Variants in PTPRM observed in about 807,000 individuals in gnomAD.
The protein encoded by PTPRM is receptor-type tyrosine-protein phosphatase mu.
PTPRM carries 47 observed loss-of-function variants against 186.7 expected under a neutral mutation model. The ratio of observed to expected loss-of-function variants is 0.25; its 90% confidence interval spans 0.20 to 0.32. The LOEUF is 0.32. Among genes scored for constraint, PTPRM ranks in the 10% least tolerant of loss-of-function variants. The probability of loss-of-function intolerance (pLI) is 1.00; values close to 1 mark genes in which losing one functional copy is unlikely to be tolerated. For synonymous variants in PTPRM, 668 were observed against 674.9 expected, an observed-to-expected ratio of 0.99 and a Z score of 0.16; for missense variants, 1,494 against 1,865.0, an observed-to-expected ratio of 0.80 and a Z score of 3.66.
rs568219254 is a variant in PTPRM at position 7,606,623 on chromosome 18, C to T, written c.73+38732C>T. ...CACATATACTGCACATTAGATAGAGCGTGATGGTGACTTACAGGTCCTGCT... is the reference window on the plus strand; with the variant it reads ...CACATATACTGCACATTAGATAGAGTGTGATGGTGACTTACAGGTCCTGCT... On this transcript the variant is annotated intron_variant, in intron 1 of 32. Coordinates refer to ENST00000580170, the MANE Select transcript of PTPRM (RefSeq NM_001105244.2). Among the ~76,000 whole-genome samples, 4 of 152,140 alleles carry T rather than the reference C, an allele frequency of 2.6e-5. No individual in the cohort carries two copies. The South Asian group carries it at 8.3e-4, about 32-fold the overall frequency.
chr18:7,888,082 C>T (rs746665436), intron 2 of PTPRM, 24 bp from the exon 3 acceptor site: 2 of 1,613,932 alleles, frequency 1.2e-6, no homozygotes, highest in Non-Finnish European at 1.7e-6. Flanking sequence ...CAGGGTATGA[C>T]TCTCCTTGAT....
chr18:8,390,725 G>A (rs559779978), intron 31 of PTPRM, among the ~76,000 whole-genome samples: 5 of 152,088 alleles, frequency 3.3e-5, no homozygotes, highest in Admixed American at 1.3e-4. Flanking sequence ...TCAGGAGATC[G>A]AGACCATCCT....
intron 22 of PTPRM, among the ~76,000 whole-genome samples, chr18:8,324,983 G>A (rs765564272): frequency 1.8e-4 from 27 of 152,270 alleles, no homozygotes; most frequent in Admixed American, 3.9e-4. Flanking sequence ...CTGTTTTTGA[G>A]AAACAGCACA....
At chr18:7,614,967 A>C (rs966105448) in intron 1 of PTPRM, among the ~76,000 whole-genome samples, 1 of 152,184 alleles carries the variant, frequency 6.6e-6, no homozygotes, top group Non-Finnish European at 1.5e-5. Flanking sequence ...TGAGAATTAA[A>C]CTTTGATACT....
intron 2 of PTPRM, among the ~76,000 whole-genome samples, chr18:7,867,325 G>A (rs1183340519): frequency 3.9e-5 from 6 of 152,298 alleles, no homozygotes; most frequent in African/African-American, 1.4e-4. Flanking sequence ...TGTTTTTGCA[G>A]TGGCTGGTAC....
intron 22 of PTPRM, among the ~76,000 whole-genome samples, chr18:8,334,679 A>G (rs1219756788): frequency 1.3e-5 from 2 of 152,320 alleles, no homozygotes; most frequent in African/African-American, 4.8e-5. Context: ...AATACGGACC[A>G]TCTTTTTGTT....
At chr18:7,675,763 C>G (rs1263127945) in intron 1 of PTPRM, among the ~76,000 whole-genome samples, 2 of 148,550 alleles carry the variant, frequency 1.3e-5, no homozygotes, top group African/African-American at 5.0e-5. Flanking sequence ...GAGACAGAGT[C>G]CCACTCTGTT....
intron 20 of PTPRM, among the ~76,000 whole-genome samples, chr18:8,301,182 T>C (rs2095153377): frequency 6.6e-6 from 1 of 152,218 alleles, no homozygotes; most frequent in Non-Finnish European, 1.5e-5. Context: ...GGTGTAATGA[T>C]CACATTCATT....
intron 1 of PTPRM, among the ~76,000 whole-genome samples, chr18:7,738,733 G>A (rs938904149): frequency 2.0e-5 from 3 of 152,032 alleles, no homozygotes; most frequent in Admixed American, 6.6e-5. Context: ...GAGCCACTGC[G>A]CCCGGCCAGT....
chr18:8,276,194 A>G (rs2094833280), intron 19 of PTPRM, among the ~76,000 whole-genome samples: 1 of 151,812 alleles, frequency 6.6e-6, no homozygotes, highest in African/African-American at 2.4e-5. Flanking sequence ...CCTTTCTCTA[A>G]ACTTTCACAG....
intron 1 of PTPRM, among the ~76,000 whole-genome samples, chr18:7,679,103 TC>T (rs1322087882): frequency 2.0e-5 from 3 of 152,224 alleles, no homozygotes; most frequent in African/African-American, 7.2e-5. Context: ...GATTATCTTT[TC>T]CTTTGGCTGT....
chr18:7,617,504 A>C (rs1012534311), intron 1 of PTPRM, among the ~76,000 whole-genome samples: 1 of 152,196 alleles, frequency 6.6e-6, no homozygotes, highest in Non-Finnish European at 1.5e-5. Flanking sequence ...AGCAACTATT[A>C]TACATACAAT....
chr18:8,304,885 A>C (rs1190684201), intron 20 of PTPRM, among the ~76,000 whole-genome samples: 2 of 147,328 alleles, frequency 1.4e-5, no homozygotes, highest in Admixed American at 1.4e-4. Flanking sequence ...CTTTCTAATT[A>C]CAAAGATAAT....
At chr18:7,989,403 T>C (rs971309366) in intron 7 of PTPRM, among the ~76,000 whole-genome samples, 2 of 152,222 alleles carry the variant, frequency 1.3e-5, no homozygotes, top group Non-Finnish European at 2.9e-5. Context: ...TTATTTACAG[T>C]GCATGTTAAT....
At chr18:8,240,838 G>A (rs930159179) in intron 14 of PTPRM, among the ~76,000 whole-genome samples, 9 of 92,170 alleles carry the variant, frequency 9.8e-5, no homozygotes, top group Non-Finnish European at 2.0e-4. Flanking sequence ...AAGAAAGAAA[G>A]AAAGAAAAGA....
intron 11 of PTPRM, among the ~76,000 whole-genome samples, chr18:8,097,103 A>T (rs630815): frequency 6.6e-6 from 1 of 152,024 alleles, no homozygotes; most frequent in Non-Finnish European, 1.5e-5. Context: ...AGCACTTATA[A>T]GTATACTCAA....
chr18:7,879,685 T>A (rs1167885494), intron 2 of PTPRM, among the ~76,000 whole-genome samples: 1 of 152,232 alleles, frequency 6.6e-6, no homozygotes, highest in African/African-American at 2.4e-5. Flanking sequence ...AAGCAAAGGT[T>A]ATAAGCACAT....
chr18:8,079,243 G>A (rs1030907755), intron 9 of PTPRM, among the ~76,000 whole-genome samples: 7 of 151,964 alleles, frequency 4.6e-5, no homozygotes, highest in Non-Finnish European at 8.8e-5. Context: ...CCTTGTCTTC[G>A]TTCTGGCTCA....
chr18:8,051,297 T>G (rs1388298365), intron 7 of PTPRM, among the ~76,000 whole-genome samples: 1 of 152,228 alleles, frequency 6.6e-6, no homozygotes, highest in Non-Finnish European at 1.5e-5. Context: ...TAATGTTTTC[T>G]GAAGTTATGT....
Sources: gnomAD v4.1 joint callset for allele counts (sites outside exome capture counted in the v4.1 genomes callset) on GRCh38, gnomAD v4.1.1 for gene constraint, MANE v1.5 for transcripts, NCBI Gene and HGNC (gene_info 2026-07-23, HGNC 2026-07-21) for gene names.